GNB5: variants seen among roughly 807,000 people sequenced by gnomAD.
The protein encoded by GNB5 is guanine nucleotide-binding protein subunit beta-5.
Under a neutral mutation model 55.3 loss-of-function variants are expected in GNB5, and 37 were observed. That is an observed-to-expected ratio of 0.67 (90% CI 0.51 to 0.88). The LOEUF is 0.88. Ranked by LOEUF, GNB5 falls within the 40% of genes least tolerant of loss-of-function variation. The pLI, the probability that GNB5 is intolerant of heterozygous loss-of-function variation, is 0.00. For synonymous variants in GNB5, 219 were observed against 198.5 expected, an observed-to-expected ratio of 1.10 and a Z score of -0.87; for missense variants, 476 against 515.3, an observed-to-expected ratio of 0.92 and a Z score of 0.74.
chr15:52,171,633 T>C (rs2034556679), intron 3 of GNB5, among the ~76,000 whole-genome samples: 1 of 152,212 alleles, frequency 6.6e-6, no homozygotes, highest in Non-Finnish European at 1.5e-5. Flanking sequence ...AGAGGATGAC[T>C]GTAGAGAAAC....
chr15:52,124,874 G>T lies in GNB5; in HGVS notation c.1010-235C>A, dbSNP rs753378771. 7 of 430,166 alleles carry T rather than the reference G, an allele frequency of 1.6e-5. No homozygotes were observed. The Middle Eastern group carries it at 1.8e-3, about 114-fold the overall frequency. 26.6% of individuals were successfully genotyped at this position (430,166 alleles called of 1,614,324 possible). A position where few individuals can be genotyped will look rare whatever the true frequency, so the allele number is the denominator to read the frequency against. On this transcript the variant is annotated intron_variant, in intron 11 of 12. Transcript: ENST00000261837. ...TCCCATGGTAACAGCCATAATGCAA[G>T]TGCTTTACACACGTAAAGTGCTATG... is the stretch of plus-strand genomic sequence containing the variant.
chr15:52,121,431 A>T lies in GNB5; in HGVS notation c.*1326T>A, dbSNP rs1350217829. 2 of 152,180 alleles carry T rather than the reference A, an allele frequency of 1.3e-5. No individual in the cohort carries two copies. The allele number at this position is 152,180 out of a possible 1,614,324, so 9.4% of individuals were successfully genotyped here. ...CTTACAAAAAAACAAAAAAAGGAAA[A>T]GAAGGGATCCTATAACAAAAAGCAC... On this transcript the variant is annotated 3_prime_UTR_variant, in exon 13 of 13. Transcript: ENST00000261837.
At chr15:52,145,575 G>C (rs1566939067) in intron 6 of GNB5, among the ~76,000 whole-genome samples, 1 of 152,124 alleles carries the variant, frequency 6.6e-6, no homozygotes, top group Non-Finnish European at 1.5e-5. Flanking sequence ...AACCCAGGGA[G>C]CGGAGGTTGC....
intron 3 of GNB5, among the ~76,000 whole-genome samples, chr15:52,163,984 G>A (rs1345296063): frequency 6.6e-6 from 1 of 152,094 alleles, no homozygotes; most frequent in East Asian, 1.9e-4. Context: ...AACCGCAGCA[G>A]CCCTGTGGAG....
rs561391521 is a variant in GNB5, at chr15:52,150,212, C to T, written c.376-287G>A. Among the ~76,000 whole-genome samples the T allele has an allele frequency of 2.0e-5, 3 of 152,334 alleles. No individual in the cohort carries two copies. In the East Asian group the frequency reaches 5.8e-4, roughly 29 times the overall value. On this transcript the variant is annotated intron_variant, in intron 4 of 12. Transcript: ENST00000261837. ...ACACTTCTTTCATACCATTTGCAAA[C>T]CACGCACAAATTGTTGGTACACTAT... is the stretch of plus-strand genomic sequence containing the variant.
intron 5 of GNB5, 163 bp downstream of exon 5, chr15:52,149,721 T>C: frequency 2.8e-6 from 2 of 708,816 alleles, no homozygotes; most frequent in South Asian, 3.0e-5. Context: ...GGCTGAGCTG[T>C]TCAAACACGG....
intron 6 of GNB5, among the ~76,000 whole-genome samples, chr15:52,144,856 C>T (rs574081879): frequency 1.1e-4 from 17 of 152,298 alleles, no homozygotes; most frequent in South Asian, 4.1e-4. Context: ...GAGGAAACAA[C>T]GCCGTCAGTG....
intron 3 of GNB5, among the ~76,000 whole-genome samples, chr15:52,160,556 G>A (rs144975390): frequency 5.3e-5 from 8 of 152,304 alleles, no homozygotes; most frequent in African/African-American, 1.7e-4. Flanking sequence ...TGGAGAGATG[G>A]TTTTGTCTTG....
chr15:52,137,935 T>C (rs1158518952), intron 7 of GNB5: 2 of 1,287,140 alleles, frequency 1.6e-6, no homozygotes, highest in African/African-American at 1.5e-5. Flanking sequence ...TTGCGGATGA[T>C]TACTGATGGC....
At chr15:52,169,872 G>GA (rs573082402) in intron 3 of GNB5, among the ~76,000 whole-genome samples, 2 of 151,208 alleles carry the variant, frequency 1.3e-5, no homozygotes. Context: ...AAATTTACAA[G>GA]AAAAAAAACC....
intron 1 of GNB5, among the ~76,000 whole-genome samples, chr15:52,189,799 AC>A (rs2034893831): frequency 6.6e-6 from 1 of 152,162 alleles, no homozygotes; most frequent in Non-Finnish European, 1.5e-5. Flanking sequence ...CTATCCTATG[AC>A]AGAAGCCAGA....
At chr15:52,171,015 A>G (rs907226151) in intron 3 of GNB5, among the ~76,000 whole-genome samples, 6 of 150,480 alleles carry the variant, frequency 4.0e-5, no homozygotes, top group Non-Finnish European at 7.4e-5. Flanking sequence ...AAGCACTTCA[A>G]TCTGGGAGGT....
chr15:52,166,911 A>C (rs2034461607), intron 3 of GNB5, among the ~76,000 whole-genome samples: 1 of 152,064 alleles, frequency 6.6e-6, no homozygotes, highest in Non-Finnish European at 1.5e-5. Context: ...TTTTTGAAAA[A>C]ATTAATAAAA....
At chr15:52,124,005 C>CAAAAAAAAAAAAAAAAAAAAAA (rs56008657) in intron 12 of GNB5, among the ~76,000 whole-genome samples, 2 of 84,412 alleles carry the variant, frequency 2.4e-5, no homozygotes, top group African/African-American at 4.2e-5. Flanking sequence ...ATAGAAAAAC[C>CAAAAAAAAAAAAAAAAAAAAAA]AAAAAAAAAA....
intron 3 of GNB5, among the ~76,000 whole-genome samples, chr15:52,171,863 T>C (rs1037574782): frequency 3.3e-5 from 5 of 152,264 alleles, no homozygotes; most frequent in Non-Finnish European, 5.9e-5. Context: ...TGGTATCAGA[T>C]AATACATCCT....
chr15:52,182,066 G>C (rs1323763554), intron 2 of GNB5, among the ~76,000 whole-genome samples: 2 of 152,242 alleles, frequency 1.3e-5, no homozygotes, highest in Non-Finnish European at 2.9e-5. Flanking sequence ...TCCTGGCTCT[G>C]CTCTGTGGCC....
intron 5 of GNB5, among the ~76,000 whole-genome samples, chr15:52,148,375 C>T (rs1337255021): frequency 6.6e-6 from 1 of 152,042 alleles, no homozygotes; most frequent in Admixed American, 6.5e-5. Context: ...ATAATGAGAA[C>T]TGGTAAAATG....
Position 52,149,865 on chromosome 15 carries a change from G to C in GNB5, c.417+19C>G. On this transcript the variant is annotated intron_variant, in intron 5 of 12. Coordinates refer to ENST00000261837, the MANE Select transcript of GNB5 (RefSeq NM_016194.4). The stretch of plus-strand genomic sequence containing the variant: ...GGGATTCTGAAGCCTCTATAACGTG[G>C]CTGGGAACAATGCCTCACCTTGTTT... 1.3e-6 allele frequency: 2 copies of C among 1,593,892 alleles called. No homozygotes were observed. Among genetic ancestry groups the C allele is most frequent in the Non-Finnish European group, 1.7e-6 (2 of 1,161,684 alleles).
intron 9 of GNB5, among the ~76,000 whole-genome samples, chr15:52,131,690 T>C (rs1236962262): frequency 2.6e-5 from 4 of 152,244 alleles, no homozygotes; most frequent in Non-Finnish European, 4.4e-5. Context: ...CTTTTTTCCT[T>C]ATCCCACATT....
Sources: allele counts gnomAD v4.1 joint callset (sites outside exome capture counted in the v4.1 genomes callset), GRCh38; gene constraint gnomAD v4.1.1; transcripts MANE v1.5; gene names NCBI Gene and HGNC (gene_info 2026-07-23, HGNC 2026-07-21).